Variants in MAP3K4 observed in about 807,000 individuals in gnomAD.
The protein encoded by MAP3K4 is mitogen-activated protein kinase kinase kinase 4, also known as MAP three kinase 1.
Under a neutral mutation model 185.6 loss-of-function variants are expected in MAP3K4, and 67 were observed. The ratio of observed to expected loss-of-function variants is 0.36; its 90% CI spans 0.30 to 0.44. MAP3K4 has a LOEUF of 0.44. MAP3K4 is among the 20% of genes least tolerant of loss of function. The pLI, the probability that MAP3K4 is intolerant of heterozygous loss-of-function variation, is 1.00. For synonymous variants in MAP3K4, 702 were observed against 710.4 expected (o/e 0.99, Z 0.19); for missense variants, 1,551 against 1,995.1 (o/e 0.78, Z 4.24).
In MAP3K4 at chr6:161,063,096, C is replaced by T. The variant is rs904509709; in HGVS notation, c.1708-7512C>T. Reference sequence around the variant, plus strand: ...GACCTCATTTCAGTGAAGGCATTATCTGTTCTGTTTATTTGCTCTTATGTG... The same window carrying T: ...GACCTCATTTCAGTGAAGGCATTATTTGTTCTGTTTATTTGCTCTTATGTG... On this transcript the variant is annotated intron_variant, in intron 3 of 26. Transcript: ENST00000392142. This position sits in a 1 kb window ranked among gnomAD's most constrained non-coding sequence, Gnocchi z 5.4. Among the ~76,000 whole-genome samples, 1 of 151,814 alleles carries T rather than the reference C, an allele frequency of 6.6e-6. No homozygotes were observed. Among genetic ancestry groups the T allele is most frequent in the African/African-American group, 2.4e-5 (1 of 41,362 alleles).
At chr6:161,042,759 C>T (rs2114743702) in intron 2 of MAP3K4, among the ~76,000 whole-genome samples, 1 of 152,254 alleles carries the variant, frequency 6.6e-6, no homozygotes, top group Non-Finnish European at 1.5e-5. Context: ...AAAAGACACC[C>T]AAGCCAAAAC....
At chr6:161,079,844 G>A (rs1268372177) in intron 5 of MAP3K4, among the ~76,000 whole-genome samples, 2 of 152,216 alleles carry the variant, frequency 1.3e-5, no homozygotes, top group African/African-American at 4.8e-5. Context: ...GCAGAAGACA[G>A]TTGTCTTGAG....
rs377280786 is a variant in MAP3K4 at position 161,048,252 on chromosome 6, G to A, written c.344-364G>A. The stretch of plus-strand genomic sequence containing the variant: ...AATATATTTTCTCATCCAGGTGTCC[G>A]TCAGATCTCCCATGCTGTTTCTTCC... On this transcript the variant is annotated intron_variant, in intron 2 of 26. Transcript: ENST00000392142. The surrounding 1 kb of genome is among the most constrained non-coding windows in gnomAD (Gnocchi z 4.7). 18 of 543,086 alleles carry A rather than the reference G, an allele frequency of 3.3e-5. No individual in the cohort carries two copies. The highest frequency in any genetic ancestry group is 1.9e-4 in the African/African-American group (10 of 52,396). 33.6% of individuals were successfully genotyped at this position (543,086 alleles called of 1,614,324 possible).
intron 1 of MAP3K4, among the ~76,000 whole-genome samples, chr6:160,999,722 C>A (rs770120978): frequency 2.0e-5 from 3 of 152,184 alleles, no homozygotes; most frequent in Non-Finnish European, 4.4e-5. Context: ...AGGTCCAAAG[C>A]CAAGGTGTTC....
intron 2 of MAP3K4, among the ~76,000 whole-genome samples, chr6:161,047,117 CATATATATAT>C (rs3050257): frequency 1.0e-4 from 14 of 135,008 alleles, no homozygotes; most frequent in African/African-American, 3.0e-4. Flanking sequence ...TTCACTTATG[CATATATATAT>C]ATATATATAT....
In MAP3K4 at chr6:161,103,621, A is replaced by G. The variant is rs910424659; in HGVS notation, c.3856+842A>G. 6.6e-5 allele frequency among the ~76,000 whole-genome samples: 10 copies of G among 152,174 alleles called. No homozygotes were observed. Among genetic ancestry groups the G allele is most frequent in the South Asian group, 2.1e-4 (1 of 4,830 alleles). On this transcript the variant is annotated intron_variant, in intron 19 of 26. Transcript: ENST00000392142. The surrounding 1 kb of genome is among the most constrained non-coding windows in gnomAD (Gnocchi z 4.6). ...AGGGGAGATCAGATCATGGACAGCC[A>G]TCAGTGACTGCCTAAGTAATGAAGG...
intron 3 of MAP3K4, among the ~76,000 whole-genome samples, chr6:161,050,215 C>A (rs911880470): frequency 3.3e-5 from 5 of 152,018 alleles, no homozygotes; most frequent in Non-Finnish European, 7.4e-5. Context: ...AGTTCAACCA[C>A]GTAAATACAG....
Position 161,013,142 on chromosome 6 carries a change from A to G in MAP3K4, c.152+21059A>G, listed in dbSNP as rs182776602. On this transcript the variant is annotated intron_variant, in intron 1 of 26. Transcript: ENST00000392142. The stretch of plus-strand genomic sequence containing the variant: ...ATGTATATAGGTCATATTAGTGCTT[A>G]CCTTACTGTATTCTTTCTAGCTTCC... 1.1e-3 allele frequency among the ~76,000 whole-genome samples: 166 copies of G among 152,298 alleles called. 1 individual carries two copies. The highest frequency in any genetic ancestry group is 3.5e-3 in the African/African-American group (145 of 41,566).
chr6:161,108,021 G>T lies in MAP3K4; in HGVS notation c.4119+52G>T. 1.3e-6 allele frequency: 2 copies of T among 1,517,194 alleles called. No individual in the cohort carries two copies. Among genetic ancestry groups the T allele is most frequent in the Non-Finnish European group, 9.1e-7 (1 of 1,097,236 alleles). 94.0% of individuals were successfully genotyped at this position (1,517,194 alleles called of 1,614,324 possible). A position where few individuals can be genotyped will look rare whatever the true frequency, so the allele number is the denominator to read the frequency against. On this transcript the variant is annotated intron_variant, in intron 21 of 26. Transcript: ENST00000392142. This position sits in a 1 kb window ranked among gnomAD's most constrained non-coding sequence, Gnocchi z 5.7. ...TTGGGCCTGGCGGCTCTGGGTGATA[G>T]AAATTCCGTATAGACGCTGGTCGTG...
intron 1 of MAP3K4, among the ~76,000 whole-genome samples, chr6:161,015,701 G>A (rs1031341928): frequency 2.0e-5 from 3 of 152,108 alleles, no homozygotes. Context: ...TGCGGGGCGG[G>A]GGGAAGGTGC....
Position 161,048,633 on chromosome 6 carries a change from A to T in MAP3K4, c.361A>T (p.Asn121Tyr), listed in dbSNP as rs1213007442. ...SNLKEKMNAP[N>Y]QPPHKDTGKT... ...TTTAATAGAAAAAATGAATGCACCA[A>T]ATCAGCCTCCACATAAAGACACTGG... The change falls in exon 3 of 27, where the codon AAT becomes TAT. Residue 121 changes from asparagine to tyrosine, a missense_variant. Physicochemically the swap from Asn to Tyr is moderately radical, Grantham distance 143. This residue lies in a region of MAP3K4 where 287 missense variants were observed against 268.8 expected (regional missense o/e 1.07). Transcript: ENST00000392142. This position sits in a 1 kb window ranked among gnomAD's most constrained non-coding sequence, Gnocchi z 4.7. 1.9e-6 allele frequency: 3 copies of T among 1,588,654 alleles called. No individual in the cohort carries two copies. Among genetic ancestry groups the T allele is most frequent in the Non-Finnish European group, 2.6e-6 (3 of 1,171,800 alleles).
intron 23 of MAP3K4, 110 bp from the exon 24 acceptor site, chr6:161,111,726 C>T (rs1351192146): frequency 2.9e-6 from 3 of 1,051,522 alleles, no homozygotes; most frequent in African/African-American, 3.2e-5. Context: ...TTTCATAAGC[C>T]TTTCGATTGT....
rs1777441266 is a variant in MAP3K4 at position 161,093,838 on chromosome 6, A to T, written c.3414A>T (p.Thr1138=). The stretch of plus-strand genomic sequence containing the variant: ...TAGGAAAACCACACAGTCCTGTTAC[A>T]GGTTTGTACCTTGGTAAGACAGCCG... ...HVIGKPHSPV[T]GLYLAIHRNS... is the part of the protein sequence containing the mutation. The change falls in exon 15 of 27, where the codon ACA becomes ACT. Residue 1138 remains threonine, a synonymous_variant. Transcript: ENST00000392142. This position sits in a 1 kb window ranked among gnomAD's most constrained non-coding sequence, Gnocchi z 5.2. The T allele has an allele frequency of 1.2e-6, 2 of 1,612,858 alleles. No individual in the cohort carries two copies. Among genetic ancestry groups the T allele is most frequent in the Middle Eastern group, 1.6e-4 (1 of 6,084 alleles).
chr6:161,046,198 A>T (rs1366430019), intron 2 of MAP3K4, among the ~76,000 whole-genome samples: 2 of 152,170 alleles, frequency 1.3e-5, no homozygotes, highest in African/African-American at 4.8e-5. Context: ...AATAAAGTAT[A>T]ATATGAATTA....
At chr6:161,039,372 A>G (rs1178702289) in intron 2 of MAP3K4, among the ~76,000 whole-genome samples, 3 of 151,842 alleles carry the variant, frequency 2.0e-5, no homozygotes, top group Admixed American at 1.3e-4. Flanking sequence ...AGGAAGAGAT[A>G]AGAACCAGCA....
In MAP3K4 at chr6:161,098,863, A is replaced by G. The variant is rs944640240; in HGVS notation, c.3674+436A>G. ...TTTCTAGCCAAATACTCTATTTTAA[A>G]TAATTGTTGATTAGAAGTAGTTTAT... is the stretch of plus-strand genomic sequence containing the variant. On this transcript the variant is annotated intron_variant, in intron 17 of 26. Coordinates refer to ENST00000392142, the MANE Select transcript of MAP3K4 (RefSeq NM_005922.4). This position sits in a 1 kb window ranked among gnomAD's most constrained non-coding sequence, Gnocchi z 4.4. Among the ~76,000 whole-genome samples the G allele has an allele frequency of 6.6e-6, 1 of 152,184 alleles. No homozygotes were observed. Among genetic ancestry groups the G allele is most frequent in the African/African-American group, 2.4e-5 (1 of 41,444 alleles).
chr6:161,040,279 A>G (rs958765302), intron 2 of MAP3K4, among the ~76,000 whole-genome samples: 5 of 152,206 alleles, frequency 3.3e-5, no homozygotes, highest in Non-Finnish European at 7.3e-5. Flanking sequence ...TGGAAATATG[A>G]GGCTACATAC....
In MAP3K4 at chr6:161,093,897, A is replaced by G. The variant is rs765632105; in HGVS notation, c.3427+46A>G. On this transcript the variant is annotated intron_variant, in intron 15 of 26. Transcript: ENST00000392142. The surrounding 1 kb of genome is among the most constrained non-coding windows in gnomAD (Gnocchi z 5.2). The stretch of plus-strand genomic sequence containing the variant: ...ATTTCTTCTGGAACATAATGATTTG[A>G]GTGGACAGATCCTCTTGTAATTGCA... 14 of 1,364,024 alleles carry G rather than the reference A, an allele frequency of 1.0e-5. No individual in the cohort carries two copies. The East Asian group carries it at 3.0e-4, about 29-fold the overall frequency. The allele number at this position is 1,364,024 out of a possible 1,614,324, so 84.5% of individuals were successfully genotyped here.
Position 161,037,138 on chromosome 6 carries a change from G to A in MAP3K4, c.343+2689G>A, listed in dbSNP as rs996330464. Among the ~76,000 whole-genome samples the A allele has an allele frequency of 2.0e-5, 3 of 152,198 alleles. No individual in the cohort carries two copies. Among genetic ancestry groups the A allele is most frequent in the Non-Finnish European group, 2.9e-5 (2 of 68,044 alleles). On this transcript the variant is annotated intron_variant, in intron 2 of 26. Coordinates refer to ENST00000392142, the MANE Select transcript of MAP3K4 (RefSeq NM_005922.4). The surrounding 1 kb of genome is among the most constrained non-coding windows in gnomAD (Gnocchi z 4.2). ...TACCAAGACAAGGTGGAAATGGGAC[G>A]CCAGTGGTAGACAAGTGGGCCATTT...
Sources: allele counts gnomAD v4.1 joint callset (sites outside exome capture counted in the v4.1 genomes callset), GRCh38; gene constraint gnomAD v4.1.1; regional missense constraint gnomAD v4.1.1; non-coding constraint Gnocchi (gnomAD v3.1); transcripts MANE v1.5; gene names NCBI Gene and HGNC (gene_info 2026-07-23, HGNC 2026-07-21).